Variants in FAM20A observed in about 807,000 individuals in gnomAD.
FAM20A encodes the protein FAM20A golgi associated secretory pathway pseudokinase, also known as pseudokinase FAM20A.
FAM20A carries 42 observed loss-of-function variants against 52.0 expected under a neutral mutation model. That is an observed-to-expected ratio of 0.81 (90% CI 0.63 to 1.04). The LOEUF (loss-of-function observed/expected upper bound fraction) is 1.04, where lower values mean the gene tolerates loss of function less well. Among genes scored for constraint, FAM20A ranks in the 50% least tolerant of loss-of-function variants. FAM20A has a pLI of 0.00. For synonymous variants in FAM20A, 304 were observed against 298.9 expected, an observed-to-expected ratio of 1.02 and a Z score of -0.18; for missense variants, 742 against 712.7, an observed-to-expected ratio of 1.04 and a Z score of -0.47.
intron 10 of FAM20A, 70 bp downstream of exon 10, chr17:68,539,267 C>G: frequency 6.6e-7 from 1 of 1,525,936 alleles, no homozygotes; most frequent in Non-Finnish European, 9.1e-7. Context: ...GCCCTTCAGA[C>G]CTTGGCTGCA....
At chr17:68,551,223 A>G (rs952676330) in intron 4 of FAM20A, 20 of 926,526 alleles carry the variant, frequency 2.2e-5, no homozygotes, top group African/African-American at 8.6e-5. Context: ...TAAGGACTCA[A>G]TACATATTAT....
Position 68,554,685 on chromosome 17 carries a change from C to T in FAM20A, c.640+92G>A, listed in dbSNP as rs982358292. 6 of 1,270,258 alleles carry T rather than the reference C, an allele frequency of 4.7e-6. No homozygotes were observed. The African/African-American group carries it at 7.4e-5, about 16-fold the overall frequency. The allele number at this position is 1,270,258 out of a possible 1,614,324, so 78.7% of individuals were successfully genotyped here. A position where few individuals can be genotyped will look rare whatever the true frequency, so the allele number is the denominator to read the frequency against. The stretch of plus-strand genomic sequence containing the variant: ...TAGGCAGAGAGCCATGCTCCTTCCA[C>T]TCTTGCCCAAGGTCGCCACTGGAGT... On this transcript the variant is annotated intron_variant, in intron 3 of 10. Coordinates refer to ENST00000592554, the MANE Select transcript of FAM20A (RefSeq NM_017565.4).
chr17:68,561,947 C>T (rs944964728), intron 1 of FAM20A, among the ~76,000 whole-genome samples: 2 of 152,144 alleles, frequency 1.3e-5, no homozygotes, highest in Non-Finnish European at 1.5e-5. Flanking sequence ...CTCAGCCTCC[C>T]GAGTAGCTGG....
chr17:68,598,260 C>T (rs2088511762), intron 1 of FAM20A: 1 of 152,158 alleles, frequency 6.6e-6, no homozygotes, highest in Admixed American at 6.5e-5. Context: ...CTGCCTCTGC[C>T]TCCCAAAATG....
intron 1 of FAM20A, among the ~76,000 whole-genome samples, chr17:68,564,612 G>A (rs62087508): frequency 1.7e-3 from 266 of 152,266 alleles, no homozygotes; most frequent in Non-Finnish European, 3.2e-3. Context: ...GCTTTTCTGT[G>A]GTCTCTTGGT....
chr17:68,584,902 G>C (rs1028812683), intron 1 of FAM20A, among the ~76,000 whole-genome samples: 3 of 152,140 alleles, frequency 2.0e-5, no homozygotes, highest in African/African-American at 7.2e-5. Context: ...AGTTACTTGG[G>C]GTGTACATTT....
intron 1 of FAM20A, among the ~76,000 whole-genome samples, chr17:68,599,384 A>G (rs1314000164): frequency 6.6e-6 from 1 of 152,238 alleles, no homozygotes; most frequent in Non-Finnish European, 1.5e-5. Context: ...TGCCACTAGC[A>G]AGGGATCTCA....
chr17:68,584,783 G>C (rs16973074), intron 1 of FAM20A, among the ~76,000 whole-genome samples: 1,839 of 152,302 alleles, frequency 0.012, 47 homozygotes, highest in African/African-American at 0.042. Flanking sequence ...CTGCCAAAAA[G>C]AGCTGCTGCG....
At chr17:68,543,428 C>G (rs1002302480) in intron 5 of FAM20A, among the ~76,000 whole-genome samples, 4 of 152,128 alleles carry the variant, frequency 2.6e-5, no homozygotes, top group Non-Finnish European at 5.9e-5. Flanking sequence ...TCGTTACATT[C>G]GTTAAAAGGC....
At chr17:68,553,911 T>TATATACACACATATATGCATATATAC (rs1479086936) in intron 3 of FAM20A, among the ~76,000 whole-genome samples, 8 of 133,598 alleles carry the variant, frequency 6.0e-5, no homozygotes, top group Non-Finnish European at 9.7e-5. Flanking sequence ...CATATATACA[T>TATATACACACATATATGCATATATAC]ATATACACAC....
chr17:68,551,611 A>G (rs970855000), intron 4 of FAM20A, among the ~76,000 whole-genome samples: 7 of 152,020 alleles, frequency 4.6e-5, no homozygotes, highest in South Asian at 2.1e-4. Flanking sequence ...TTGCCCGTGA[A>G]CCAAGGACAC....
intron 1 of FAM20A, among the ~76,000 whole-genome samples, chr17:68,587,053 G>C (rs983586433): frequency 6.6e-6 from 1 of 152,116 alleles, no homozygotes; most frequent in African/African-American, 2.4e-5. Context: ...ACCATGCCCA[G>C]CTATTTTTTA....
chr17:68,589,741 G>T (rs2088252289), intron 1 of FAM20A, among the ~76,000 whole-genome samples: 1 of 152,136 alleles, frequency 6.6e-6, no homozygotes, highest in African/African-American at 2.4e-5. Context: ...GACACAATTT[G>T]TAATTTATTG....
chr17:68,555,994 A>G (rs1044341602), intron 1 of FAM20A, among the ~76,000 whole-genome samples: 2 of 152,216 alleles, frequency 1.3e-5, no homozygotes, highest in Admixed American at 1.3e-4. Flanking sequence ...TCATACACAA[A>G]TACTTAATTA....
At chr17:68,569,961 C>T (rs2087493455) in intron 1 of FAM20A, among the ~76,000 whole-genome samples, 1 of 152,208 alleles carries the variant, frequency 6.6e-6, no homozygotes, top group African/African-American at 2.4e-5. Context: ...GCTGCACTTA[C>T]AGTTTCACAT....
rs763478981 is a variant in FAM20A at position 68,542,827 on chromosome 17, CTG to C, written c.813-20_813-19del. On this transcript the variant is annotated intron_variant, in intron 5 of 10. Coordinates refer to ENST00000592554, the MANE Select transcript of FAM20A (RefSeq NM_017565.4). The stretch of plus-strand genomic sequence containing the variant: ...CCAGAATCCTGCAAGAGAGGAAGCT[CTG>C]TTCCATCTGAGGGATGATCAGGGAG... 1 of 1,576,812 alleles carries C rather than the reference CTG, an allele frequency of 6.3e-7. No individual in the cohort carries two copies. The highest frequency in any genetic ancestry group is 1.1e-5 in the South Asian group (1 of 90,290).
intron 1 of FAM20A, among the ~76,000 whole-genome samples, chr17:68,597,778 T>C (rs2088494374): frequency 6.6e-6 from 1 of 152,166 alleles, no homozygotes; most frequent in South Asian, 2.1e-4. Context: ...AGCAAGGTCC[T>C]TCATTGTTTC....
rs2086333237 is a variant in FAM20A at position 68,542,242 on chromosome 17, A to T, written c.929-77T>A. 4 of 1,505,866 alleles carry T rather than the reference A, an allele frequency of 2.7e-6. No homozygotes were observed. In the South Asian group the frequency reaches 4.6e-5, roughly 17 times the overall value. 93.3% of individuals were successfully genotyped at this position (1,505,866 alleles called of 1,614,324 possible). On this transcript the variant is annotated intron_variant, in intron 6 of 10. Transcript: ENST00000592554. ...GACATCTTCCTGGCCTAGGAAATCC[A>T]CTGGGAGGGAAGGGAAACCCTGAAC...
intron 1 of FAM20A, among the ~76,000 whole-genome samples, chr17:68,571,886 A>G (rs372791269): frequency 1.3e-5 from 2 of 150,834 alleles, no homozygotes; most frequent in East Asian, 3.9e-4. Flanking sequence ...AAAAGAATCA[A>G]TAAATTACTG....
Sources: gnomAD v4.1 joint callset for allele counts (sites outside exome capture counted in the v4.1 genomes callset) on GRCh38, gnomAD v4.1.1 for gene constraint, MANE v1.5 for transcripts, NCBI Gene and HGNC (gene_info 2026-07-23, HGNC 2026-07-21) for gene names.